The following SHROOM4 variants were observed in gnomAD, a reference collection of about 807,000 sequenced individuals.
SHROOM4 encodes the protein protein Shroom4.
Under a neutral mutation model 80.3 loss-of-function variants are expected in SHROOM4, and 17 were observed. That is an observed-to-expected ratio of 0.21 (90% CI 0.14 to 0.32). SHROOM4 has a LOEUF of 0.32. Among genes scored for constraint, SHROOM4 ranks in the 10% least tolerant of loss-of-function variants. The pLI is 1.00. For missense variants in SHROOM4, 993 were observed against 1,140.3 expected (o/e 0.87, Z 1.86); for synonymous variants, 400 against 437.5 (o/e 0.91, Z 1.07).
intron 1 of SHROOM4, among the ~76,000 whole-genome samples, chrX:50,742,794 C>T (rs956072444): frequency 9.0e-6 from 1 of 111,243 alleles, no homozygotes; most frequent in Admixed American, 9.6e-5. Context: ...ACAATTTTTT[C>T]CTTTCCATAC....
At chrX:50,780,490 A>G (rs1161799755) in intron 1 of SHROOM4, among the ~76,000 whole-genome samples, 1 of 111,848 alleles carries the variant, frequency 8.9e-6, no homozygotes, top group Admixed American at 9.5e-5. Flanking sequence ...TGAGAACCTA[A>G]GCTCCACCTG....
At position 50,591,129 on chromosome X, in the gene SHROOM4, C is replaced by T. The variant is rs1366634034; in HGVS notation, c.*5566G>A. The stretch of plus-strand genomic sequence containing the variant: ...CTTCATTTTTTCCCATGTAGATACC[C>T]AGTTGTCTCAGCATCATTTGTTAAA... On this transcript the variant is annotated 3_prime_UTR_variant, in exon 9 of 9. Coordinates refer to ENST00000376020, the MANE Select transcript of SHROOM4 (RefSeq NM_020717.5). 8.9e-6 allele frequency among the ~76,000 whole-genome samples: 1 copy of T among 112,038 alleles called. No homozygotes were observed. Among genetic ancestry groups the T allele is most frequent in the East Asian group, 2.8e-4 (1 of 3,581 alleles).
intron 1 of SHROOM4, among the ~76,000 whole-genome samples, chrX:50,778,059 G>T (rs1186202350): frequency 9.0e-6 from 1 of 111,259 alleles, no homozygotes; most frequent in East Asian, 2.8e-4. Context: ...CCCTCCCATT[G>T]CCTGAACTTC....
At chrX:50,700,171 G>A (rs1359766434) in intron 1 of SHROOM4, among the ~76,000 whole-genome samples, 2 of 112,120 alleles carry the variant, frequency 1.8e-5, no homozygotes, top group Non-Finnish European at 3.8e-5. Context: ...TCTAAAGAAG[G>A]CAAACAACAT....
chrX:50,595,389 C>T lies in SHROOM4; in HGVS notation c.*1306G>A, dbSNP rs1033822471. The T allele has an allele frequency of 2.5e-5, 3 of 119,040 alleles. No homozygotes were observed. Among genetic ancestry groups the T allele is most frequent in the African/African-American group, 9.7e-5 (3 of 30,878 alleles). 9.8% of individuals were successfully genotyped at this position (119,040 alleles called of 1,213,427 possible). A position where few individuals can be genotyped will look rare whatever the true frequency, so the allele number is the denominator to read the frequency against. The stretch of plus-strand genomic sequence containing the variant: ...ACCTTGAGTTTTGGTTCCCTTGAGC[C>T]AGGCCACAGGCTGAGAAAGCAATGG... On this transcript the variant is annotated 3_prime_UTR_variant, in exon 9 of 9. Coordinates refer to ENST00000376020, the MANE Select transcript of SHROOM4 (RefSeq NM_020717.5).
At chrX:50,774,710 TA>T (rs1935469257) in intron 1 of SHROOM4, among the ~76,000 whole-genome samples, 2 of 110,226 alleles carry the variant, frequency 1.8e-5, no homozygotes, top group Non-Finnish European at 3.8e-5. Flanking sequence ...TTATTTTATT[TA>T]AAAAGGAAAC....
intron 1 of SHROOM4, among the ~76,000 whole-genome samples, chrX:50,709,639 A>G (rs1933761347): frequency 8.9e-6 from 1 of 112,412 alleles, no homozygotes; most frequent in South Asian, 3.7e-4. Flanking sequence ...GGAGTAGTCT[A>G]TGTGTCTTTC....
chrX:50,783,085 C>A (rs781855063), intron 1 of SHROOM4, among the ~76,000 whole-genome samples: 4 of 111,638 alleles, frequency 3.6e-5, no homozygotes, highest in Admixed American at 9.5e-5. Flanking sequence ...AAGTCACGTA[C>A]AGCTGGTTAA....
At chrX:50,746,718 C>T (rs1488853688) in intron 1 of SHROOM4, among the ~76,000 whole-genome samples, 1 of 112,142 alleles carries the variant, frequency 8.9e-6, no homozygotes, top group Non-Finnish European at 1.9e-5. Context: ...GGCTATTAAG[C>T]AACCCAATGT....
chrX:50,790,234 G>C (rs934522281), intron 1 of SHROOM4, among the ~76,000 whole-genome samples: 2 of 110,823 alleles, frequency 1.8e-5, no homozygotes, highest in South Asian at 7.6e-4. Context: ...ACATATGACT[G>C]ACCAAGACTG....
chrX:50,691,828 C>CACG (rs1933228424), intron 2 of SHROOM4, among the ~76,000 whole-genome samples: 1 of 111,618 alleles, frequency 9.0e-6, no homozygotes, highest in Non-Finnish European at 1.9e-5. Flanking sequence ...GTGTTAAGAG[C>CACG]TCTTTCATAA....
chrX:50,679,321 T>G (rs1932896748), intron 2 of SHROOM4, among the ~76,000 whole-genome samples: 1 of 111,823 alleles, frequency 8.9e-6, no homozygotes, highest in Admixed American at 9.5e-5. Context: ...GAATTATCCT[T>G]ATCCTTAACA....
Position 50,634,023 on chromosome X carries a change from G to A in SHROOM4, c.2050C>T (p.Arg684Ter). The change falls in exon 4 of 9, where the codon CGA becomes TGA. Residue 684 changes from arginine (R) to a stop codon, truncating the protein, a stop_gained. Coordinates refer to ENST00000376020, the MANE Select transcript of SHROOM4 (RefSeq NM_020717.5). LOFTEE classifies it high-confidence loss of function. The part of the protein sequence containing the change: ...SHESRTGLEG[R>*]ISPGQRPGQS... The stretch of plus-strand genomic sequence containing the variant: ...CCAGGCCTCTGGCCAGGGCTTATTC[G>A]TCCCTCTAAGCCTGTCCTAGATTCA... 2.5e-6 allele frequency: 3 copies of A among 1,211,727 alleles called. No homozygotes were observed. Among genetic ancestry groups the A allele is most frequent in the Non-Finnish European group, 2.2e-6 (2 of 895,395 alleles).
chrX:50,599,218 C>T (rs1352085716), intron 7 of SHROOM4, among the ~76,000 whole-genome samples: 1 of 111,326 alleles, frequency 9.0e-6, no homozygotes, highest in Non-Finnish European at 1.9e-5. Context: ...AGCATTTGCA[C>T]TAAGGTATTT....
chrX:50,739,378 A>G (rs1557267004), intron 1 of SHROOM4, among the ~76,000 whole-genome samples: 2 of 111,600 alleles, frequency 1.8e-5, no homozygotes, highest in African/African-American at 6.5e-5. Context: ...AGAAACTACC[A>G]TCAGAGTGAA....
intron 1 of SHROOM4, among the ~76,000 whole-genome samples, chrX:50,795,101 G>GATAT (rs782727726): frequency 2.3e-5 from 1 of 42,638 alleles, no homozygotes; most frequent in African/African-American, 1.7e-4. Flanking sequence ...ATATATATAT[G>GATAT]ATATATATAT....
chrX:50,597,391 T>A (rs1414062005), intron 8 of SHROOM4, among the ~76,000 whole-genome samples: 1 of 111,822 alleles, frequency 8.9e-6, no homozygotes, highest in Non-Finnish European at 1.9e-5. Flanking sequence ...TATGTATATG[T>A]ATGTAGATAT....
At chrX:50,675,853 A>T (rs1353622934) in intron 2 of SHROOM4, among the ~76,000 whole-genome samples, 1 of 111,615 alleles carries the variant, frequency 9.0e-6, no homozygotes, top group African/African-American at 3.2e-5. Context: ...CAATGCATTA[A>T]CATTTAGAGA....
chrX:50,774,750 G>A (rs1557269980), intron 1 of SHROOM4, among the ~76,000 whole-genome samples: 1 of 109,757 alleles, frequency 9.1e-6, no homozygotes, highest in Non-Finnish European at 1.9e-5. Flanking sequence ...TTCATCGAAT[G>A]TTCAAATTTG....
Sources: gnomAD v4.1 joint callset for allele counts (sites outside exome capture counted in the v4.1 genomes callset) on GRCh38, gnomAD v4.1.1 for gene constraint, MANE v1.5 for transcripts, NCBI Gene and HGNC (gene_info 2026-07-23, HGNC 2026-07-21) for gene names.